Variants in DHX36 observed in about 807,000 individuals in gnomAD.
The protein encoded by DHX36 is ATP-dependent DNA/RNA helicase DHX36.
Under a neutral mutation model 139.0 loss-of-function variants are expected in DHX36, and 50 were observed. The ratio of observed to expected loss-of-function variants is 0.36; its 90% confidence interval spans 0.29 to 0.46. The LOEUF is 0.46. Among genes scored for constraint, DHX36 ranks in the 20% least tolerant of loss-of-function variants. The pLI is 1.00. For missense variants in DHX36, 1,024 were observed against 1,211.3 expected (o/e 0.85, Z 2.29); for synonymous variants, 425 against 401.9 (o/e 1.06, Z -0.69).
intron 1 of DHX36, among the ~76,000 whole-genome samples, chr3:154,318,380 C>T (rs1039403565): frequency 6.6e-6 from 1 of 152,108 alleles, no homozygotes; most frequent in African/African-American, 2.4e-5. Context: ...CTACAGTTCT[C>T]ACTTTTCCAT....
At chr3:154,282,453 C>T (rs1015488353) in intron 20 of DHX36, among the ~76,000 whole-genome samples, 6 of 151,892 alleles carry the variant, frequency 4.0e-5, no homozygotes, top group South Asian at 4.1e-4. Flanking sequence ...CTATGTTTTG[C>T]TGAATTCATA....
intron 1 of DHX36, among the ~76,000 whole-genome samples, chr3:154,320,579 C>T (rs781510490): frequency 1.3e-5 from 2 of 152,186 alleles, no homozygotes; most frequent in African/African-American, 4.8e-5. Context: ...TCCTGCAAAT[C>T]CTCATTTGTA....
In DHX36 at chr3:154,324,248, G is replaced by C. The variant is rs772770487; in HGVS notation, c.169C>G (p.Leu57Val). ...RGGRGRHPGH[L>V]KGREIGMWYA... is the part of the protein sequence containing the mutation. ...CACATGCCGATTTCGCGGCCTTTCA[G>C]GTGCCCGGGATGCCGGCCCCTGCCG... The change falls in exon 1 of 25, where the codon CTG becomes GTG. Residue 57 changes from leucine to valine, a missense_variant. This residue lies in a region of DHX36 where 293 missense variants were observed against 274.4 expected (regional missense o/e 1.07). Transcript: ENST00000496811. 22 of 1,613,434 alleles carry C rather than the reference G, an allele frequency of 1.4e-5. No homozygotes were observed. Among genetic ancestry groups the C allele is most frequent in the Non-Finnish European group, 8.5e-7 (1 of 1,179,772 alleles).
intron 6 of DHX36, 122 bp from the exon 7 acceptor site, chr3:154,305,290 AT>A: frequency 1.2e-6 from 1 of 805,014 alleles, no homozygotes; most frequent in Non-Finnish European, 1.9e-6. Flanking sequence ...TTCACACTTA[AT>A]TTTTTACTTA....
chr3:154,315,260 G>C lies in DHX36; in HGVS notation c.389C>G (p.Thr130Ser). 1 of 1,612,110 alleles carries C rather than the reference G, an allele frequency of 6.2e-7. No individual in the cohort carries two copies. The highest frequency in any genetic ancestry group is 8.5e-7 in the Non-Finnish European group (1 of 1,179,352). ...EDHGYGTEVSTKNTPCSENKL... is the reference protein window; with the variant it reads ...EDHGYGTEVSSKNTPCSENKL... Reference sequence around the variant, plus strand: ...GTTCTCTGAGCATGGTGTGTTCTTAGTAGAAACTTCAGTACCGTATCTGTT... The same window carrying C: ...GTTCTCTGAGCATGGTGTGTTCTTACTAGAAACTTCAGTACCGTATCTGTT... Residue 130 changes from threonine to serine, a missense_variant, in exon 3 of 25, where the codon ACT becomes AGT. Transcript: ENST00000496811.
intron 6 of DHX36, among the ~76,000 whole-genome samples, chr3:154,305,706 G>A (rs1428949697): frequency 6.6e-6 from 1 of 152,210 alleles, no homozygotes; most frequent in African/African-American, 2.4e-5. Context: ...GTCTTCGGCT[G>A]CAGTGAGTTG....
At position 154,290,030 on chromosome 3, in the gene DHX36, TCA is replaced by T. The variant is rs1271657178; in HGVS notation, c.1815-206_1815-205del. On this transcript the variant is annotated intron_variant, in intron 15 of 24. Coordinates refer to ENST00000496811, the MANE Select transcript of DHX36 (RefSeq NM_020865.3). ...AAAAACGTTATACCCTCTACCCTCA[TCA>T]CAGTTTTAAGAAAGATACACAGTAA... Among the ~76,000 whole-genome samples the T allele has an allele frequency of 2.0e-5, 3 of 152,306 alleles. No individual in the cohort carries two copies. The East Asian group carries it at 5.8e-4, about 29-fold the overall frequency.
Position 154,280,560 on chromosome 3 carries a change from A to G in DHX36, c.2567+19T>C, listed in dbSNP as rs774105156. 15 of 1,531,648 alleles carry G rather than the reference A, an allele frequency of 9.8e-6. No homozygotes were observed. Among genetic ancestry groups the G allele is most frequent in the Middle Eastern group, 1.9e-4 (1 of 5,218 alleles). 94.9% of individuals were successfully genotyped at this position (1,531,648 alleles called of 1,614,324 possible). On this transcript the variant is annotated intron_variant, in intron 22 of 24. Coordinates refer to ENST00000496811, the MANE Select transcript of DHX36 (RefSeq NM_020865.3). ...AAGAAGAGAATTACGAGTAATTAAT[A>G]ATAATCTTCAATGCTTACATTTTTC...
At chr3:154,280,735 C>A (rs772493680) in intron 21 of DHX36, 28 bp downstream of exon 21, 2 of 1,606,238 alleles carry the variant, frequency 1.2e-6, no homozygotes, top group South Asian at 1.1e-5. Flanking sequence ...ACAAAAGATA[C>A]TTATTTACAC....
rs771792767 is a variant in DHX36 at position 154,276,867 on chromosome 3, T to C, written c.2721A>G (p.Pro907=). The change falls in exon 24 of 25, where the codon CCA becomes CCG. Residue 907 remains proline (P), a synonymous_variant. Coordinates refer to ENST00000496811, the MANE Select transcript of DHX36 (RefSeq NM_020865.3). ...CACCTCCAAAAAACAAGAGACAGTA[T>C]GGGGAAACCTCTGTGCAGTCATACA... ...IYLYDCTEVS[P]YCLLFFGGDI... 5.0e-6 allele frequency: 8 copies of C among 1,613,818 alleles called. 1 individual carries two copies. The South Asian group carries it at 7.7e-5, about 16-fold the overall frequency.
At chr3:154,295,100 T>C (rs1243910919) in intron 13 of DHX36, among the ~76,000 whole-genome samples, 184 bp downstream of exon 13, 1 of 152,194 alleles carries the variant, frequency 6.6e-6, no homozygotes, top group Non-Finnish European at 1.5e-5. Context: ...TCCGCTGATA[T>C]TCAAGTTTTT....
intron 4 of DHX36, among the ~76,000 whole-genome samples, chr3:154,311,199 G>C (rs1415400505): frequency 6.6e-6 from 1 of 151,938 alleles, no homozygotes; most frequent in Non-Finnish European, 1.5e-5. Flanking sequence ...AGAGAAGGAT[G>C]AGAGATCCTA....
intron 17 of DHX36, among the ~76,000 whole-genome samples, chr3:154,285,240 C>A (rs1468256000): frequency 6.6e-6 from 1 of 152,204 alleles, no homozygotes; most frequent in East Asian, 1.9e-4. Flanking sequence ...CCAGAAATGA[C>A]AAACTTTCTG....
Position 154,292,676 on chromosome 3 carries a change from G to A in DHX36, c.1689C>T (p.Val563=), listed in dbSNP as rs373985162. 9 of 1,612,574 alleles carry A rather than the reference G, an allele frequency of 5.6e-6. No individual in the cohort carries two copies. In the African/African-American group the frequency reaches 6.7e-5, roughly 12 times the overall value. Residue 563 remains valine (V), a synonymous_variant, in exon 15 of 25, where the codon GTC becomes GTT. Coordinates refer to ENST00000496811, the MANE Select transcript of DHX36 (RefSeq NM_020865.3). ...TTTTTCCTCCATCTATCACATAAACGACATCATCTATGGTAATGCTGTTTG... is the reference window on the plus strand; with the variant it reads ...TTTTTCCTCCATCTATCACATAAACAACATCATCTATGGTAATGCTGTTTG... The part of the protein sequence containing the change: ...IAETSITIDD[V]VYVIDGGKIK...
chr3:154,305,316 A>C, intron 6 of DHX36, 148 bp from the exon 7 acceptor site: 1 of 624,196 alleles, frequency 1.6e-6, no homozygotes, highest in Non-Finnish European at 2.8e-6. Flanking sequence ...AACACCTACC[A>C]CAATGGGGTA....
At chr3:154,313,868 T>C (rs1174268860) in intron 3 of DHX36, among the ~76,000 whole-genome samples, 1 of 152,178 alleles carries the variant, frequency 6.6e-6, no homozygotes, top group East Asian at 1.9e-4. Context: ...CAACCTCAGG[T>C]AGGTCACTTA....
At chr3:154,286,312 T>C (rs1711552009) in intron 17 of DHX36, among the ~76,000 whole-genome samples, 1 of 150,924 alleles carries the variant, frequency 6.6e-6, no homozygotes, top group Non-Finnish European at 1.5e-5. Flanking sequence ...TCCCAGAAAC[T>C]TAAAAAAGAA....
At chr3:154,317,186 T>G (rs1713020566) in intron 1 of DHX36, among the ~76,000 whole-genome samples, 1 of 152,034 alleles carries the variant, frequency 6.6e-6, no homozygotes. Context: ...AGATGAATCA[T>G]TAAAAGGAAG....
chr3:154,312,199 A>G (rs1259293894), intron 3 of DHX36: 1 of 152,204 alleles, frequency 6.6e-6, no homozygotes, highest in Non-Finnish European at 1.5e-5. Flanking sequence ...AGTCAAACTT[A>G]AAGTATGAAT....
Sources: allele counts gnomAD v4.1 joint callset (sites outside exome capture counted in the v4.1 genomes callset), GRCh38; gene constraint gnomAD v4.1.1; regional missense constraint gnomAD v4.1.1; transcripts MANE v1.5; gene names NCBI Gene and HGNC (gene_info 2026-07-23, HGNC 2026-07-21).